Variants in CSMD3 observed in about 807,000 individuals in gnomAD.
CSMD3 encodes CUB and sushi domain-containing protein 3.
Under a neutral mutation model 435.2 loss-of-function variants are expected in CSMD3, and 177 were observed. The observed-to-expected ratio is 0.41, with a 90% CI of 0.36 to 0.46. CSMD3 has a LOEUF of 0.46. Among genes scored for constraint, CSMD3 ranks in the 20% least tolerant of loss-of-function variants. The probability of loss-of-function intolerance (pLI) is 0.34; values close to 1 mark genes in which losing one functional copy is unlikely to be tolerated. For missense variants in CSMD3, 4,265 were observed against 4,504.6 expected (o/e 0.95, Z 1.52); for synonymous variants, 1,656 against 1,520.5 (o/e 1.09, Z -2.07).
intron 2 of CSMD3, among the ~76,000 whole-genome samples, chr8:113,308,770 A>G (rs567880774): frequency 6.6e-6 from 1 of 152,294 alleles, no homozygotes; most frequent in South Asian, 2.1e-4. Flanking sequence ...TCAACCCCGT[A>G]TAAGTGAACT....
At chr8:112,821,443 G>A (rs1021746216) in intron 12 of CSMD3, among the ~76,000 whole-genome samples, 1 of 151,678 alleles carries the variant, frequency 6.6e-6, no homozygotes, top group Non-Finnish European at 1.5e-5. Context: ...CTGCATAAAT[G>A]TCTTCTTTTG....
chr8:113,064,307 A>G (rs973541071), intron 5 of CSMD3, among the ~76,000 whole-genome samples: 1 of 152,026 alleles, frequency 6.6e-6, no homozygotes, highest in African/African-American at 2.4e-5. Context: ...TATGAATACA[A>G]TTAGTAAGTA....
At chr8:112,600,858 T>C (rs924997233) in intron 22 of CSMD3, among the ~76,000 whole-genome samples, 1 of 152,038 alleles carries the variant, frequency 6.6e-6, no homozygotes, top group Non-Finnish European at 1.5e-5. Context: ...TATGTATTTT[T>C]AGTAGAGACG....
chr8:112,401,743 A>G (rs1831360282), intron 35 of CSMD3, among the ~76,000 whole-genome samples: 1 of 152,104 alleles, frequency 6.6e-6, no homozygotes, highest in East Asian at 1.9e-4. Context: ...AAATCAACAC[A>G]TTTTTCCTAA....
intron 63 of CSMD3, among the ~76,000 whole-genome samples, chr8:112,248,193 T>C (rs1222194777): frequency 6.6e-6 from 1 of 152,108 alleles, no homozygotes; most frequent in Non-Finnish European, 1.5e-5. Flanking sequence ...TGAAATCTGT[T>C]TTAAGGATTA....
intron 6 of CSMD3, among the ~76,000 whole-genome samples, chr8:112,988,137 T>C (rs143609582): frequency 5.3e-5 from 8 of 152,152 alleles, no homozygotes; most frequent in African/African-American, 1.7e-4. Flanking sequence ...CCCCATAGTC[T>C]AGTCGCTACA....
chr8:112,460,629 G>A (rs1817353576), intron 32 of CSMD3, among the ~76,000 whole-genome samples: 1 of 151,876 alleles, frequency 6.6e-6, no homozygotes, highest in Non-Finnish European at 1.5e-5. Flanking sequence ...ATTTTAATTT[G>A]AATTTTAATG....
At chr8:112,787,180 G>A (rs1322465773) in intron 13 of CSMD3, among the ~76,000 whole-genome samples, 6 of 152,166 alleles carry the variant, frequency 3.9e-5, no homozygotes, top group Non-Finnish European at 8.8e-5. Flanking sequence ...TGTGAATAGT[G>A]TTGCAAGAAA....
intron 12 of CSMD3, among the ~76,000 whole-genome samples, chr8:112,810,496 G>A (rs975788240): frequency 6.6e-6 from 1 of 152,068 alleles, no homozygotes; most frequent in Non-Finnish European, 1.5e-5. Flanking sequence ...AAAAGTAAAT[G>A]TCTATTATTT....
intron 4 of CSMD3, among the ~76,000 whole-genome samples, chr8:113,107,736 T>C (rs2090522965): frequency 6.6e-6 from 1 of 152,220 alleles, no homozygotes; most frequent in Admixed American, 6.5e-5. Context: ...GAGGCTGTGT[T>C]CTTGGGCAGC....
chr8:112,790,332 T>G (rs961250392), intron 13 of CSMD3, among the ~76,000 whole-genome samples: 57 of 151,424 alleles, frequency 3.8e-4, no homozygotes, highest in African/African-American at 1.2e-3. Context: ...ATACTCTAAT[T>G]AAGTTTTGGA....
chr8:113,409,407 A>C (rs1160607427), intron 1 of CSMD3, among the ~76,000 whole-genome samples: 3 of 151,910 alleles, frequency 2.0e-5, no homozygotes, highest in African/African-American at 7.3e-5. Context: ...CTACATTGTC[A>C]AGGTTTCTTT....
chr8:113,350,059 A>G (rs1588572569), intron 1 of CSMD3, among the ~76,000 whole-genome samples: 1 of 151,932 alleles, frequency 6.6e-6, no homozygotes, highest in Admixed American at 6.6e-5. Context: ...GAAAGGCACA[A>G]CCAACCACAA....
At chr8:113,213,948 T>C (rs1278626115) in intron 3 of CSMD3, among the ~76,000 whole-genome samples, 1 of 152,114 alleles carries the variant, frequency 6.6e-6, no homozygotes, top group Non-Finnish European at 1.5e-5. Flanking sequence ...GTGAGATACA[T>C]AGATGCTGGA....
chr8:113,272,642 C>T (rs2093538151), intron 3 of CSMD3, among the ~76,000 whole-genome samples: 1 of 152,160 alleles, frequency 6.6e-6, no homozygotes, highest in Admixed American at 6.5e-5. Flanking sequence ...TCCAATTAAA[C>T]CTCCTTTTTT....
chr8:113,331,263 A>G (rs1022999951), intron 1 of CSMD3, among the ~76,000 whole-genome samples: 12 of 151,706 alleles, frequency 7.9e-5, no homozygotes, highest in Non-Finnish European at 1.8e-4. Flanking sequence ...AAATATGAAT[A>G]GAACTACAAT....
chr8:112,279,745 G>GAT (rs1818447832), intron 59 of CSMD3, among the ~76,000 whole-genome samples: 1 of 152,074 alleles, frequency 6.6e-6, no homozygotes, highest in Non-Finnish European at 1.5e-5. Context: ...TGATGCCCCT[G>GAT]ATTAAGACCT....
intron 35 of CSMD3, among the ~76,000 whole-genome samples, chr8:112,400,131 T>C (rs2129904484): frequency 6.6e-6 from 1 of 152,278 alleles, no homozygotes; most frequent in Non-Finnish European, 1.5e-5. Context: ...CAAAAAAACA[T>C]AGACTAGGTG....
chr8:112,711,886 C>T (rs1434764164), intron 13 of CSMD3, among the ~76,000 whole-genome samples: 2 of 152,082 alleles, frequency 1.3e-5, no homozygotes, highest in Non-Finnish European at 2.9e-5. Context: ...CCTCAGCCTC[C>T]TGAGTATCTG....
Sources: allele counts gnomAD v4.1 joint callset (sites outside exome capture counted in the v4.1 genomes callset), GRCh38; gene constraint gnomAD v4.1.1; transcripts MANE v1.5; gene names NCBI Gene and HGNC (gene_info 2026-07-23, HGNC 2026-07-21).